The following CHST9 variants were observed in gnomAD, a reference collection of about 807,000 sequenced individuals.
CHST9 encodes GalNAc-4-sulfotransferase 2.
In CHST9, 41 loss-of-function variants were observed where a neutral mutation model predicts 44.4. That is an observed-to-expected ratio of 0.92 (90% CI 0.72 to 1.20). The LOEUF (loss-of-function observed/expected upper bound fraction) is 1.20, where lower values mean the gene tolerates loss of function less well. Among genes scored for constraint, CHST9 ranks in the 50% most tolerant of loss-of-function variants. CHST9 has a pLI of 0.00. For synonymous variants in CHST9, 171 were observed against 178.4 expected (o/e 0.96, Z 0.33); for missense variants, 504 against 516.5 (o/e 0.98, Z 0.23).
At chr18:26,952,314 A>T in intron 4 of CHST9, 1 of 515,096 alleles carries the variant, frequency 1.9e-6, no homozygotes, top group Non-Finnish European at 3.9e-6. Flanking sequence ...CCCATTGTGG[A>T]TCTCAACTCC....
intron 4 of CHST9, among the ~76,000 whole-genome samples, chr18:27,012,067 C>T (rs1035111645): frequency 6.6e-6 from 1 of 152,204 alleles, no homozygotes; most frequent in African/African-American, 2.4e-5. Context: ...GGGAGGCGTG[C>T]ATCTGCCCAG....
chr18:27,019,574 G>C (rs538211421), intron 4 of CHST9, among the ~76,000 whole-genome samples: 1 of 150,316 alleles, frequency 6.7e-6, no homozygotes, highest in Non-Finnish European at 1.5e-5. Flanking sequence ...TCAAGTTTTA[G>C]ATTCTGCTTT....
chr18:27,027,371 A>G (rs552723261), intron 3 of CHST9, among the ~76,000 whole-genome samples: 7 of 152,358 alleles, frequency 4.6e-5, no homozygotes, highest in African/African-American at 1.7e-4. Flanking sequence ...TAGATATTTG[A>G]TCATCAATAT....
chr18:26,976,666 C>G (rs934451120), intron 4 of CHST9, among the ~76,000 whole-genome samples: 2 of 152,070 alleles, frequency 1.3e-5, no homozygotes, highest in Non-Finnish European at 2.9e-5. Flanking sequence ...CCTTCTCTAC[C>G]GTGGATGGGA....
At chr18:27,123,998 C>T (rs2058397949) in intron 2 of CHST9, among the ~76,000 whole-genome samples, 1 of 152,146 alleles carries the variant, frequency 6.6e-6, no homozygotes, top group African/African-American at 2.4e-5. Flanking sequence ...GTTATATGAG[C>T]TGTACAAAGG....
chr18:26,997,240 A>G (rs371159224), intron 4 of CHST9, among the ~76,000 whole-genome samples: 94 of 152,344 alleles, frequency 6.2e-4, no homozygotes, highest in African/African-American at 2.1e-3. Flanking sequence ...AACTTTCTTA[A>G]AATAAGTAAT....
intron 3 of CHST9, among the ~76,000 whole-genome samples, chr18:27,027,791 A>G (rs987954579): frequency 1.3e-5 from 2 of 152,090 alleles, no homozygotes; most frequent in Non-Finnish European, 2.9e-5. Flanking sequence ...TTTCTGTTTC[A>G]TTAAAGTAGA....
Position 26,910,074 on chromosome 18 carries a change from T to A in CHST9, c.*6185A>T, listed in dbSNP as rs995538221. On this transcript the variant is annotated 3_prime_UTR_variant, in exon 6 of 6. Coordinates refer to ENST00000618847, the MANE Select transcript of CHST9 (RefSeq NM_031422.6). Reference sequence around the variant, plus strand: ...GGAGCCAGTTTCTGTCCCTAGATACTAGAGCTCCAAGAGCCTGGGAGAATG... The same window carrying A: ...GGAGCCAGTTTCTGTCCCTAGATACAAGAGCTCCAAGAGCCTGGGAGAATG... The A allele has an allele frequency of 1.3e-5, 2 of 152,028 alleles. No homozygotes were observed. The highest frequency in any genetic ancestry group is 4.8e-5 in the African/African-American group (2 of 41,366). 9.4% of individuals were successfully genotyped at this position (152,028 alleles called of 1,614,324 possible).
intron 2 of CHST9, among the ~76,000 whole-genome samples, chr18:27,094,509 T>C (rs983287441): frequency 6.6e-6 from 1 of 152,226 alleles, no homozygotes; most frequent in African/African-American, 2.4e-5. Flanking sequence ...TAAAGAGATT[T>C]AGCAATTTCT....
At chr18:27,026,678 C>G (rs1434601442) in intron 3 of CHST9, among the ~76,000 whole-genome samples, 1 of 152,108 alleles carries the variant, frequency 6.6e-6, no homozygotes, top group Non-Finnish European at 1.5e-5. Context: ...AGATCATGTA[C>G]TGAATAGCTA....
At chr18:27,149,938 C>A in intron 1 of CHST9, among the ~76,000 whole-genome samples, 1 of 151,858 alleles carries the variant, frequency 6.6e-6, no homozygotes, top group Admixed American at 6.6e-5. Flanking sequence ...GAAAATCATC[C>A]TTTATCTCTT....
intron 2 of CHST9, among the ~76,000 whole-genome samples, chr18:27,120,121 C>T (rs2058362007): frequency 6.6e-6 from 1 of 152,162 alleles, no homozygotes; most frequent in Admixed American, 6.5e-5. Context: ...TTACATTTTA[C>T]ACTAGTACAA....
chr18:27,042,420 C>G (rs1276857732), intron 3 of CHST9, among the ~76,000 whole-genome samples: 1 of 152,056 alleles, frequency 6.6e-6, no homozygotes, highest in Admixed American at 6.6e-5. Context: ...TGTAAATACT[C>G]CCACCATGGC....
intron 4 of CHST9, among the ~76,000 whole-genome samples, chr18:26,963,572 T>TG (rs2056427696): frequency 3.2e-5 from 4 of 124,124 alleles, no homozygotes; most frequent in African/African-American, 7.6e-5. Flanking sequence ...TTAAGGAGTA[T>TG]TAAAAAAAAA....
chr18:26,911,737 T>G lies in CHST9; in HGVS notation c.*4522A>C, dbSNP rs1158066514. 6.6e-6 allele frequency: 1 copy of G among 152,212 alleles called. No individual in the cohort carries two copies. The highest frequency in any genetic ancestry group is 1.5e-5 in the Non-Finnish European group (1 of 68,040). 9.4% of individuals were successfully genotyped at this position (152,212 alleles called of 1,614,324 possible). On this transcript the variant is annotated 3_prime_UTR_variant, in exon 6 of 6. Transcript: ENST00000618847. ...GTGACTGACTAGGAAATTCTGAGAA[T>G]GAAATGATATGAGGCAATGTTCTGT... is the stretch of plus-strand genomic sequence containing the variant.
chr18:27,106,860 T>G (rs2058225846), intron 2 of CHST9, among the ~76,000 whole-genome samples: 1 of 152,226 alleles, frequency 6.6e-6, no homozygotes, highest in Non-Finnish European at 1.5e-5. Context: ...CCTTTTTATT[T>G]ACCTAGATCT....
At chr18:26,921,091 G>A (rs2055644131) in intron 5 of CHST9, among the ~76,000 whole-genome samples, 2 of 152,184 alleles carry the variant, frequency 1.3e-5, no homozygotes, top group African/African-American at 4.8e-5. Context: ...ATAAAAAAAG[G>A]CACAAGCCTT....
chr18:27,150,219 C>A (rs2058649031), intron 1 of CHST9, among the ~76,000 whole-genome samples: 1 of 151,760 alleles, frequency 6.6e-6, no homozygotes, highest in Non-Finnish European at 1.5e-5. Context: ...GCTAAGTTTT[C>A]CCATCATTGG....
intron 4 of CHST9, among the ~76,000 whole-genome samples, chr18:26,987,664 T>C (rs746848194): frequency 1.2e-4 from 18 of 152,168 alleles, no homozygotes; most frequent in Admixed American, 3.3e-4. Context: ...TCCCCCCATC[T>C]CCTGCAAACT....
Sources: allele counts gnomAD v4.1 joint callset (sites outside exome capture counted in the v4.1 genomes callset), GRCh38; gene constraint gnomAD v4.1.1; transcripts MANE v1.5; gene names NCBI Gene and HGNC (gene_info 2026-07-23, HGNC 2026-07-21).